PDCL3: variants seen among roughly 807,000 people sequenced by gnomAD.
PDCL3 encodes phosducin like 3.
A neutral mutation model predicts 26.5 loss-of-function variants in PDCL3; 22 were observed. That is an observed-to-expected ratio of 0.83 (90% confidence interval 0.59 to 1.19). The LOEUF (loss-of-function observed/expected upper bound fraction) is 1.19, where lower values mean the gene tolerates loss of function less well. Ranked by LOEUF, PDCL3 falls within the 50% of genes most tolerant of loss-of-function variation. The pLI is 0.00. For synonymous variants in PDCL3, 81 were observed against 104.9 expected, an observed-to-expected ratio of 0.77 and a Z score of 1.39; for missense variants, 246 against 294.1, an observed-to-expected ratio of 0.84 and a Z score of 1.20.
chr2:100,567,823 C>CTTTTTTTTTTTTTTTTTTTTTT (rs201116072), intron 2 of PDCL3, among the ~76,000 whole-genome samples: 1 of 146,516 alleles, frequency 6.8e-6, no homozygotes. Flanking sequence ...GACATTTTCT[C>CTTTTTTTTTTTTTTTTTTTTTT]TTTTTTGTTT....
At chr2:100,575,344 C>T (rs1283548064) in intron 5 of PDCL3, among the ~76,000 whole-genome samples, 1 of 152,148 alleles carries the variant, frequency 6.6e-6, no homozygotes, top group Non-Finnish European at 1.5e-5. Flanking sequence ...ACCGTGTTAG[C>T]CAGGATGGTC....
intron 1 of PDCL3, among the ~76,000 whole-genome samples, chr2:100,565,845 CAAT>C (rs912127012): frequency 6.6e-6 from 1 of 152,196 alleles, no homozygotes; most frequent in African/African-American, 2.4e-5. Context: ...CCATTGCCTA[CAAT>C]AATTTACATG....
chr2:100,575,448 T>G (rs1349125904), intron 5 of PDCL3, among the ~76,000 whole-genome samples: 2 of 152,220 alleles, frequency 1.3e-5, no homozygotes, highest in African/African-American at 4.8e-5. Flanking sequence ...TTTTCAGATT[T>G]TAATCGATGT....
At chr2:100,563,183 A>G (rs1674984135) in intron 1 of PDCL3, 110 bp downstream of exon 1, 1 of 1,388,092 alleles carries the variant, frequency 7.2e-7, no homozygotes, top group East Asian at 2.6e-5. Context: ...CGCCGCAGGC[A>G]CGAGGGAGGC....
chr2:100,565,631 C>T (rs1284720446), intron 1 of PDCL3, among the ~76,000 whole-genome samples: 6 of 152,114 alleles, frequency 3.9e-5, no homozygotes, highest in South Asian at 4.1e-4. Context: ...CACCCTCAGA[C>T]GGAATGTCAC....
chr2:100,567,570 T>C (rs1478703831), intron 2 of PDCL3, among the ~76,000 whole-genome samples: 1 of 151,908 alleles, frequency 6.6e-6, no homozygotes, highest in African/African-American at 2.4e-5. Flanking sequence ...AAGAACACAT[T>C]TGAATAGACC....
intron 5 of PDCL3, chr2:100,572,009 C>T (rs956941120): frequency 7.1e-6 from 4 of 563,356 alleles, no homozygotes; most frequent in African/African-American, 1.9e-5. Context: ...TCAAGGAAGG[C>T]GTGATAGACT....
intron 1 of PDCL3, among the ~76,000 whole-genome samples, chr2:100,564,586 G>T (rs939976463): frequency 6.6e-6 from 1 of 152,156 alleles, no homozygotes; most frequent in Non-Finnish European, 1.5e-5. Context: ...ATGAGCCACC[G>T]CGCCCGGCCT....
At chr2:100,572,045 T>C (rs991810842) in intron 5 of PDCL3, 1 of 486,098 alleles carries the variant, frequency 2.1e-6, no homozygotes, top group South Asian at 2.5e-5. Flanking sequence ...TTTATATTGG[T>C]GTGGAATATA....
At chr2:100,573,323 C>G (rs929515725) in intron 5 of PDCL3, among the ~76,000 whole-genome samples, 1 of 152,148 alleles carries the variant, frequency 6.6e-6, no homozygotes, top group East Asian at 1.9e-4. Context: ...ATATTTCCAA[C>G]TATGCTTTAC....
intron 4 of PDCL3, 91 bp from the exon 5 acceptor site, chr2:100,571,498 CA>C: frequency 8.8e-7 from 1 of 1,141,366 alleles, no homozygotes; most frequent in Non-Finnish European, 1.3e-6. Context: ...GAAACTGTTA[CA>C]AGGTTTTACT....
In PDCL3 at chr2:100,563,158, T is replaced by A. The variant is rs1674982668; in HGVS notation, c.6+85T>A. The A allele has an allele frequency of 4.7e-6, 7 of 1,482,508 alleles. No individual in the cohort carries two copies. In the South Asian group the frequency reaches 7.6e-5, roughly 16 times the overall value. 91.8% of individuals were successfully genotyped at this position (1,482,508 alleles called of 1,614,324 possible). On this transcript the variant is annotated intron_variant, in intron 1 of 5. Coordinates refer to ENST00000264254, the MANE Select transcript of PDCL3 (RefSeq NM_024065.5). ...CCGGGCGGGCAGTGGACGCCCGCCC[T>A]GGGGGAAGCTCCGGCGCCGCAGGCA...
chr2:100,574,081 C>T (rs1182507151), intron 5 of PDCL3, among the ~76,000 whole-genome samples: 1 of 152,052 alleles, frequency 6.6e-6, no homozygotes, highest in Non-Finnish European at 1.5e-5. Context: ...TTGGCTCACT[C>T]CAGCCTCAGC....
chr2:100,563,275 C>T (rs1045868874), intron 1 of PDCL3: 2 of 540,708 alleles, frequency 3.7e-6, no homozygotes, highest in African/African-American at 2.0e-5. Context: ...GCGTCCCCGC[C>T]TCGGTGTGCC....
chr2:100,567,403 G>A (rs902687384), intron 2 of PDCL3, among the ~76,000 whole-genome samples: 3 of 152,138 alleles, frequency 2.0e-5, no homozygotes, highest in Non-Finnish European at 4.4e-5. Context: ...CATTCAAGTG[G>A]GGGAGACAGA....
At chr2:100,563,366 C>T (rs957360304) in intron 1 of PDCL3, 26 of 398,892 alleles carry the variant, frequency 6.5e-5, no homozygotes, top group Non-Finnish European at 1.1e-4. Flanking sequence ...CTTGCCGGAT[C>T]CCGCCTAACA....
intron 5 of PDCL3, among the ~76,000 whole-genome samples, chr2:100,573,332 AC>A: frequency 6.6e-6 from 1 of 152,210 alleles, no homozygotes; most frequent in East Asian, 1.9e-4. Flanking sequence ...ACTATGCTTT[AC>A]CAGAAAGACA....
rs573184313 is a variant in PDCL3, at chr2:100,575,353, T to C, written c.578-1001T>C. 2.0e-5 allele frequency among the ~76,000 whole-genome samples: 3 copies of C among 152,286 alleles called. No homozygotes were observed. In the South Asian group the frequency reaches 6.2e-4, roughly 32 times the overall value. On this transcript the variant is annotated intron_variant, in intron 5 of 5. Transcript: ENST00000264254. ...GGTTTCACCGTGTTAGCCAGGATGG[T>C]CTCGATCTCCAGACTTCGTGATCCG...
chr2:100,570,051 A>G (rs1675137382), intron 4 of PDCL3, among the ~76,000 whole-genome samples: 3 of 152,206 alleles, frequency 2.0e-5, no homozygotes, highest in Non-Finnish European at 4.4e-5. Context: ...CGGAGCTTGC[A>G]GTGAGCCGAG....
Sources: allele counts gnomAD v4.1 joint callset (sites outside exome capture counted in the v4.1 genomes callset), GRCh38; gene constraint gnomAD v4.1.1; transcripts MANE v1.5; gene names NCBI Gene and HGNC (gene_info 2026-07-23, HGNC 2026-07-21).